Variants in ARHGAP11B observed in about 807,000 individuals in gnomAD.
ARHGAP11B encodes the protein Rho GTPase activating protein 11B, also known as inactive Rho GTPase-activating protein 11B.
A neutral mutation model predicts 27.6 loss-of-function variants in ARHGAP11B; 14 were observed. The observed-to-expected ratio is 0.51, with a 90% CI of 0.34 to 0.79. The LOEUF (loss-of-function observed/expected upper bound fraction) is 0.79. Among genes scored for constraint, ARHGAP11B ranks in the 30% least tolerant of loss-of-function variants. The pLI, the probability that ARHGAP11B is intolerant of heterozygous loss-of-function variation, is 0.02. For missense variants in ARHGAP11B, 245 were observed against 320.1 expected (o/e 0.77, Z 1.79); for synonymous variants, 82 against 114.1 (o/e 0.72, Z 1.80).
rs1379541029 is a variant in ARHGAP11B at position 30,646,768 on chromosome 15, G to T, written c.*324+473G>T. 2.6e-5 allele frequency among the ~76,000 whole-genome samples: 4 copies of T among 151,850 alleles called. No individual in the cohort carries two copies. In the East Asian group the frequency reaches 7.8e-4, roughly 30 times the overall value. Reference sequence around the variant, plus strand: ...GTGGATCACCTGAGGTCAGCAGTTTGAAACCAGCCTGGCCAACGTGGTGAA... The same window carrying T: ...GTGGATCACCTGAGGTCAGCAGTTTTAAACCAGCCTGGCCAACGTGGTGAA... On this transcript the variant is annotated intron_variant, in intron 9 of 10. Transcript: ENST00000428041.
chr15:30,648,592 T>C (rs75977432), exon 11 of ARHGAP11B, among the ~76,000 whole-genome samples: 3,749 of 152,156 alleles, frequency 0.025, 147 homozygotes, highest in African/African-American at 0.079. Context: ...ATTATTCCAC[T>C]GTGAATGAGG....
chr15:30,635,596 T>A, exon 6 of ARHGAP11B: 2 of 1,613,504 alleles, frequency 1.2e-6, no homozygotes, highest in Non-Finnish European at 1.7e-6. Context: ...ATGAAACTCC[T>A]GGTGAATATA....
rs377420550 is a variant in ARHGAP11B, at chr15:30,642,851, TA to T, written c.*79-1787del. 2.8e-3 allele frequency among the ~76,000 whole-genome samples: 433 copies of T among 152,198 alleles called. 2 individuals are homozygous for T. Among genetic ancestry groups the T allele is most frequent in the African/African-American group, 1.0e-2 (415 of 41,540 alleles). ...AAAGTAAGAAATGAATGCTTTTTCTTAGCTGAGTTGGGTTATTTGACACTTG... is the reference window on the plus strand; with the variant it reads ...AAAGTAAGAAATGAATGCTTTTTCTTGCTGAGTTGGGTTATTTGACACTTG... On this transcript the variant is annotated intron_variant, in intron 7 of 10. Coordinates refer to ENST00000428041, the Ensembl canonical transcript of ARHGAP11B.
chr15:30,645,940 G>T (rs2060344948), intron 8 of ARHGAP11B, among the ~76,000 whole-genome samples: 1 of 151,898 alleles, frequency 6.6e-6, no homozygotes, highest in Non-Finnish European at 1.5e-5. Context: ...TAAAGAGATG[G>T]GAAATATAGA....
At chr15:30,633,690 T>G (rs2060260164) in intron 3 of ARHGAP11B, 104 bp downstream of exon 3, 1 of 960,250 alleles carries the variant, frequency 1.0e-6, no homozygotes, top group Admixed American at 3.4e-5. Context: ...TGACAGAAAT[T>G]GAATTTGCAT....
intron 7 of ARHGAP11B, among the ~76,000 whole-genome samples, chr15:30,639,392 C>G (rs1036862559): frequency 1.3e-5 from 2 of 151,528 alleles, no homozygotes; most frequent in African/African-American, 4.8e-5. Flanking sequence ...ATTTAAGTAA[C>G]TGCTGTCTCT....
chr15:30,631,366 GT>G (rs2060244022), intron 2 of ARHGAP11B, among the ~76,000 whole-genome samples: 1 of 151,488 alleles, frequency 6.6e-6, no homozygotes, highest in Non-Finnish European at 1.5e-5. Flanking sequence ...TTTTTTGTTT[GT>G]TAAAAAAATA....
At chr15:30,630,853 G>A (rs978228780) in intron 2 of ARHGAP11B, 80 bp downstream of exon 2, 3 of 1,607,840 alleles carry the variant, frequency 1.9e-6, no homozygotes, top group African/African-American at 2.7e-5. Flanking sequence ...GCCGAGGTGG[G>A]CAGATCACTT....
chr15:30,636,944 A>G lies in ARHGAP11B; in HGVS notation c.*3+1311A>G, dbSNP rs921329797. ...ATCTGTAAAGACACGAATTCCAAGT[A>G]TGGTCACCTTCATAGGAACTGGGGG... On this transcript the variant is annotated intron_variant, in intron 6 of 10. Coordinates refer to ENST00000428041, the Ensembl canonical transcript of ARHGAP11B. Among the ~76,000 whole-genome samples, 130 of 151,932 alleles carry G rather than the reference A, an allele frequency of 8.6e-4. 2 individuals are homozygous for G. Among genetic ancestry groups the G allele is most frequent in the Non-Finnish European group, 1.7e-3 (113 of 67,964 alleles).
chr15:30,640,021 A>G (rs987522744), intron 7 of ARHGAP11B, among the ~76,000 whole-genome samples: 7 of 142,254 alleles, frequency 4.9e-5, no homozygotes, highest in Admixed American at 2.1e-4. Context: ...TGTTATGACA[A>G]CATCTATTGA....
intron 2 of ARHGAP11B, among the ~76,000 whole-genome samples, chr15:30,632,933 G>C (rs1353625281): frequency 2.0e-5 from 3 of 151,664 alleles, no homozygotes; most frequent in Non-Finnish European, 4.4e-5. Flanking sequence ...CATAAGAGGA[G>C]TGAGAAAAGG....
intron 4 of ARHGAP11B, 106 bp downstream of exon 4, chr15:30,634,529 A>C (rs1017292982): frequency 7.0e-7 from 1 of 1,436,372 alleles, no homozygotes; most frequent in Non-Finnish European, 9.3e-7. Context: ...TTTTTCTTTA[A>C]AAATTCCATA....
chr15:30,647,329 GC>G (rs1320024642), intron 9 of ARHGAP11B, among the ~76,000 whole-genome samples: 1 of 151,830 alleles, frequency 6.6e-6, no homozygotes, highest in Non-Finnish European at 1.5e-5. Flanking sequence ...TCTGTAGTGG[GC>G]CCTCATTTGG....
At chr15:30,642,940 A>G (rs995949914) in intron 7 of ARHGAP11B, among the ~76,000 whole-genome samples, 1 of 151,988 alleles carries the variant, frequency 6.6e-6, no homozygotes, top group African/African-American at 2.4e-5. Context: ...AAGGCTTTGA[A>G]TCTAATTGCT....
At chr15:30,638,972 A>G (rs2060298821) in intron 7 of ARHGAP11B, among the ~76,000 whole-genome samples, 162 bp downstream of exon 7, 1 of 152,004 alleles carries the variant, frequency 6.6e-6, no homozygotes, top group Non-Finnish European at 1.5e-5. Context: ...TATACACACT[A>G]TGTTGTGACA....
At chr15:30,630,295 G>T (rs140294567) in intron 1 of ARHGAP11B, among the ~76,000 whole-genome samples, 3,136 of 152,046 alleles carry the variant, frequency 0.021, 58 homozygotes, top group Non-Finnish European at 0.035. Flanking sequence ...TATTTATAAG[G>T]TGACCAAAAG....
intron 1 of ARHGAP11B, among the ~76,000 whole-genome samples, chr15:30,629,071 A>G (rs534979202): frequency 6.6e-6 from 1 of 152,206 alleles, no homozygotes; most frequent in African/African-American, 2.4e-5. Flanking sequence ...TCATAAGATT[A>G]ACAAATATTT....
chr15:30,648,983 T>C (rs561072957), exon 11 of ARHGAP11B: 2 of 152,176 alleles, frequency 1.3e-5, no homozygotes, highest in South Asian at 2.1e-4. Flanking sequence ...ATCAATGAAA[T>C]ATTTATTTAA....
chr15:30,643,520 G>A (rs536626915), intron 7 of ARHGAP11B, among the ~76,000 whole-genome samples: 4 of 152,024 alleles, frequency 2.6e-5, no homozygotes, highest in East Asian at 3.9e-4. Context: ...CTCATGATCC[G>A]CCTGCCTAGG....
Sources: gnomAD v4.1 joint callset for allele counts (sites outside exome capture counted in the v4.1 genomes callset) on GRCh38, gnomAD v4.1.1 for gene constraint, MANE v1.5 for transcripts, NCBI Gene and HGNC (gene_info 2026-07-23, HGNC 2026-07-21) for gene names.